Variants in CDKAL1 observed in about 807,000 individuals in gnomAD.
CDKAL1 encodes threonylcarbamoyladenosine tRNA methylthiotransferase.
In CDKAL1, 32 loss-of-function variants were observed where a neutral mutation model predicts 68.2. The observed-to-expected ratio is 0.47, with a 90% CI of 0.35 to 0.63. The LOEUF (loss-of-function observed/expected upper bound fraction) is 0.63. CDKAL1 is among the 30% of genes least tolerant of loss of function. The probability of loss-of-function intolerance (pLI) is 0.00; values close to 1 mark genes in which losing one functional copy is unlikely to be tolerated. For synonymous variants in CDKAL1, 234 were observed against 244.3 expected, an observed-to-expected ratio of 0.96 and a Z score of 0.39; for missense variants, 606 against 696.7, an observed-to-expected ratio of 0.87 and a Z score of 1.47.
At chr6:20,738,919 C>T (rs946819419) in intron 5 of CDKAL1, among the ~76,000 whole-genome samples, 3 of 152,148 alleles carry the variant, frequency 2.0e-5, no homozygotes, top group African/African-American at 4.8e-5. Flanking sequence ...AAAGCACCAG[C>T]TTGTTTTCCC....
intron 15 of CDKAL1, among the ~76,000 whole-genome samples, chr6:21,212,411 C>T (rs1261201388): frequency 6.6e-6 from 1 of 152,092 alleles, no homozygotes; most frequent in African/African-American, 2.4e-5. Context: ...TTGCAAAAGC[C>T]CCTTTTTAAA....
At chr6:21,008,156 C>T (rs1482211730) in intron 11 of CDKAL1, among the ~76,000 whole-genome samples, 1 of 152,018 alleles carries the variant, frequency 6.6e-6, no homozygotes, top group Non-Finnish European at 1.5e-5. Context: ...GCAGTGACTG[C>T]CTGGAAAATC....
intron 13 of CDKAL1, among the ~76,000 whole-genome samples, chr6:21,153,499 C>G (rs1470062782): frequency 6.6e-6 from 1 of 151,956 alleles, no homozygotes; most frequent in Non-Finnish European, 1.5e-5. Flanking sequence ...GATTTGTGTG[C>G]CCATATGAGA....
At chr6:20,694,058 GTGTA>G (rs755847024) in intron 5 of CDKAL1, among the ~76,000 whole-genome samples, 11,592 of 85,286 alleles carry the variant, frequency 0.14, 491 homozygotes, top group East Asian at 0.2. Flanking sequence ...GTGTGTGTGT[GTGTA>G]TGTGTGTGTG....
At chr6:20,797,309 T>C (rs1193417371) in intron 8 of CDKAL1, among the ~76,000 whole-genome samples, 1 of 152,228 alleles carries the variant, frequency 6.6e-6, no homozygotes, top group East Asian at 1.9e-4. Context: ...ATAACTCACC[T>C]ATTCGACCAA....
chr6:21,197,508 A>G (rs531648515), intron 13 of CDKAL1, among the ~76,000 whole-genome samples: 2 of 152,362 alleles, frequency 1.3e-5, no homozygotes, highest in African/African-American at 4.8e-5. Context: ...TATGTAAGAT[A>G]TGAAATGTGG....
At chr6:20,836,933 A>T (rs1327856263) in intron 8 of CDKAL1, among the ~76,000 whole-genome samples, 1 of 152,138 alleles carries the variant, frequency 6.6e-6, no homozygotes, top group East Asian at 1.9e-4. Context: ...ACTGTGTGCT[A>T]AGGCCCTACC....
chr6:20,765,818 A>G (rs1278885293), intron 7 of CDKAL1, among the ~76,000 whole-genome samples: 5 of 152,168 alleles, frequency 3.3e-5, no homozygotes, highest in African/African-American at 4.8e-5. Flanking sequence ...TCTTGTCTGT[A>G]TTTCTGTAAC....
chr6:20,918,693 A>G lies in CDKAL1; in HGVS notation c.743-36726A>G, dbSNP rs190973654. On this transcript the variant is annotated intron_variant, in intron 9 of 15. Coordinates refer to ENST00000274695, the MANE Select transcript of CDKAL1 (RefSeq NM_017774.3). ...TGGTTTTGATTTTAGGCTGGAGTTG[A>G]TAATTCTCTTACTTCCGCTTCTCAG... Among the ~76,000 whole-genome samples the G allele has an allele frequency of 3.3e-5, 5 of 152,352 alleles. No individual in the cohort carries two copies. In the East Asian group the frequency reaches 5.8e-4, roughly 18 times the overall value.
At chr6:21,035,648 T>C (rs1185520295) in intron 11 of CDKAL1, among the ~76,000 whole-genome samples, 1 of 152,166 alleles carries the variant, frequency 6.6e-6, no homozygotes, top group African/African-American at 2.4e-5. Context: ...AAGAATGAAA[T>C]GATTTTATTT....
intron 11 of CDKAL1, among the ~76,000 whole-genome samples, chr6:21,055,414 AG>A (rs1472237775): frequency 6.6e-6 from 1 of 151,728 alleles, no homozygotes; most frequent in Non-Finnish European, 1.5e-5. Flanking sequence ...GTACATGTGC[AG>A]GATGTGCAGG....
intron 12 of CDKAL1, among the ~76,000 whole-genome samples, chr6:21,072,338 C>T (rs1353129476): frequency 6.6e-6 from 1 of 152,100 alleles, no homozygotes; most frequent in African/African-American, 2.4e-5. Flanking sequence ...CTCTCACTTC[C>T]TTGGTAGCTT....
chr6:21,048,074 A>G (rs541504816), intron 11 of CDKAL1, among the ~76,000 whole-genome samples: 8 of 152,296 alleles, frequency 5.3e-5, no homozygotes, highest in African/African-American at 1.9e-4. Flanking sequence ...AGTTCTTATC[A>G]AAAATTAGAG....
At chr6:21,118,963 G>A (rs1774566092) in intron 13 of CDKAL1, among the ~76,000 whole-genome samples, 1 of 152,108 alleles carries the variant, frequency 6.6e-6, no homozygotes, top group African/African-American at 2.4e-5. Context: ...GGGTGGCAGT[G>A]GAGGGTGTCT....
intron 9 of CDKAL1, among the ~76,000 whole-genome samples, chr6:20,849,867 G>GT (rs1288293589): frequency 6.6e-6 from 1 of 152,094 alleles, no homozygotes; most frequent in Non-Finnish European, 1.5e-5. Context: ...AAAATAGGAA[G>GT]TATCAATCTA....
intron 4 of CDKAL1, among the ~76,000 whole-genome samples, chr6:20,639,108 G>A (rs1768043965): frequency 1.3e-5 from 2 of 152,122 alleles, no homozygotes; most frequent in African/African-American, 4.8e-5. Flanking sequence ...TGGGGTAATA[G>A]CCATAATTAA....
At chr6:20,848,444 G>T (rs1218733327) in intron 9 of CDKAL1, among the ~76,000 whole-genome samples, 1 of 152,058 alleles carries the variant, frequency 6.6e-6, no homozygotes, top group African/African-American at 2.4e-5. Context: ...CTTTAGAAAT[G>T]CCCTCTGAGT....
Position 20,579,156 on chromosome 6 carries a change from T to G in CDKAL1, c.286+30451T>G, listed in dbSNP as rs189883099. Reference sequence around the variant, plus strand: ...CCATGCTTGGCTAATTTTTGTATTTTTTTGGTAGAGACAGGGTTCAACTTG... The same window carrying G: ...CCATGCTTGGCTAATTTTTGTATTTGTTTGGTAGAGACAGGGTTCAACTTG... On this transcript the variant is annotated intron_variant, in intron 4 of 15. Coordinates refer to ENST00000274695, the MANE Select transcript of CDKAL1 (RefSeq NM_017774.3). Among the ~76,000 whole-genome samples the G allele has an allele frequency of 4.6e-5, 7 of 152,266 alleles. No homozygotes were observed. The East Asian group carries it at 1.4e-3, about 29-fold the overall frequency.
intron 4 of CDKAL1, among the ~76,000 whole-genome samples, chr6:20,609,538 G>C (rs1459649783): frequency 6.6e-6 from 1 of 151,668 alleles, no homozygotes; most frequent in Non-Finnish European, 1.5e-5. Context: ...TAGGATTACA[G>C]GTGTGCACCA....
Sources: gnomAD v4.1 joint callset for allele counts (sites outside exome capture counted in the v4.1 genomes callset) on GRCh38, gnomAD v4.1.1 for gene constraint, MANE v1.5 for transcripts, NCBI Gene and HGNC (gene_info 2026-07-23, HGNC 2026-07-21) for gene names.